C17orf113: variants seen among roughly 807,000 people sequenced by gnomAD.
C17orf113 encodes the protein uncharacterized protein C17orf113.
C17orf113 carries 5 observed loss-of-function variants against 11.6 expected under a neutral mutation model. The observed-to-expected ratio is 0.43, with a 90% CI of 0.23 to 0.91. The LOEUF is 0.91. Among genes scored for constraint, C17orf113 ranks in the 40% least tolerant of loss-of-function variants. The pLI is 0.26. For synonymous variants in C17orf113, 327 were observed against 390.6 expected (o/e 0.84, Z 1.92); for missense variants, 714 against 841.3 (o/e 0.85, Z 1.87).
rs1414157543 is a variant in C17orf113, at chr17:42,040,237, C to T, written c.1496G>A (p.Arg499Gln). ...GGGGTAGGAGTCCTGTAGGCCCTTC[C>T]GCATGGAGTCCAGGAAGGATCCCCG... ...WLRGSFLDSM[R>Q]KGLQDSYPGP... The change falls in exon 3 of 3, where the codon CGG (arginine) becomes CAG (glutamine). Residue 499 changes from arginine (R) to glutamine (Q), a missense_variant. Physicochemically the swap from Arg to Gln is conservative, Grantham distance 43 (BLOSUM62 1). Around this residue, in one of 3 missense-constraint regions of C17orf113, gnomAD observed 516 missense variants for 626.6 expected, o/e 0.82. Transcript: ENST00000587304. 2 of 1,231,482 alleles carry T rather than the reference C, an allele frequency of 1.6e-6. No homozygotes were observed. The highest frequency in any genetic ancestry group is 1.6e-5 in the African/African-American group (1 of 64,424). 76.3% of individuals were successfully genotyped at this position (1,231,482 alleles called of 1,614,324 possible). A position where few individuals can be genotyped will look rare whatever the true frequency, so the allele number is the denominator to read the frequency against.
intron 1 of C17orf113, among the ~76,000 whole-genome samples, chr17:42,044,793 T>C (rs1264358826): frequency 6.6e-6 from 1 of 152,102 alleles, no homozygotes; most frequent in Non-Finnish European, 1.5e-5. Flanking sequence ...GGCCTCAGAC[T>C]GAAGGCAGCT....
intron 1 of C17orf113, among the ~76,000 whole-genome samples, chr17:42,049,281 C>T (rs1477046453): frequency 6.6e-6 from 1 of 152,146 alleles, no homozygotes; most frequent in African/African-American, 2.4e-5. Context: ...GTCATTGCTC[C>T]CTGTTTGTTC....
intron 1 of C17orf113, among the ~76,000 whole-genome samples, chr17:42,047,265 C>A (rs1335788977): frequency 6.6e-6 from 1 of 152,184 alleles, no homozygotes; most frequent in Admixed American, 6.6e-5. Context: ...ATCTCCTGAC[C>A]TCGTGATCCG....
rs925773929 is a variant in C17orf113, at chr17:42,039,374, C to T, written c.*331G>A. 3 of 265,332 alleles carry T rather than the reference C, an allele frequency of 1.1e-5. No individual in the cohort carries two copies. The highest frequency in any genetic ancestry group is 1.4e-5 in the Non-Finnish European group (2 of 142,098). 16.4% of individuals were successfully genotyped at this position (265,332 alleles called of 1,614,324 possible). ...CCTTCCCCAAGCCAAAAACTCCCAT[C>T]TTTGGGGGGACCCAAACTTGCCCCG... is the stretch of plus-strand genomic sequence containing the variant. On this transcript the variant is annotated 3_prime_UTR_variant, in exon 3 of 3. Transcript: ENST00000587304.
chr17:42,041,107 G>A lies in C17orf113; in HGVS notation c.626C>T (p.Thr209Ile). Residue 209 changes from threonine (T) to isoleucine (I), a missense_variant, in exon 3 of 3, where the codon ACC (threonine) becomes ATC (isoleucine). Thr to Ile is a moderately conservative substitution (Grantham distance 89). Around this residue, in one of 3 missense-constraint regions of C17orf113, gnomAD observed 516 missense variants for 626.6 expected, o/e 0.82. Coordinates refer to ENST00000587304, the MANE Select transcript of C17orf113 (RefSeq NM_001358661.2). ...GCTGTGTGACTCCGGCCAGTCTCTG[G>A]TCTCGTCCAACACCAGCCCCACATA... ...SPYVGLVLDE[T>I]RDWPESHSLA... 8.1e-7 allele frequency: 1 copy of A among 1,232,304 alleles called. No individual in the cohort carries two copies. The allele number at this position is 1,232,304 out of a possible 1,614,324, so 76.3% of individuals were successfully genotyped here.
chr17:42,040,047 C>A lies in C17orf113; in HGVS notation c.1686G>T (p.Ala562=). 1 of 1,231,150 alleles carries A rather than the reference C, an allele frequency of 8.1e-7. No individual in the cohort carries two copies. Among genetic ancestry groups the A allele is most frequent in the South Asian group, 4.1e-5 (1 of 24,318 alleles). 76.3% of individuals were successfully genotyped at this position (1,231,150 alleles called of 1,614,324 possible). A position where few individuals can be genotyped will look rare whatever the true frequency, so the allele number is the denominator to read the frequency against. ...GGCCGAATACTACGCGCTTAAACAG[C>A]GCGAAGTCGCCCAGCGCCCGCTGGC... is the stretch of plus-strand genomic sequence containing the variant. ...VVRQRALGDF[A]LFKRVVFGLG... Residue 562 remains alanine (A), a synonymous_variant, in exon 3 of 3, where the codon GCG becomes GCT. Coordinates refer to ENST00000587304, the MANE Select transcript of C17orf113 (RefSeq NM_001358661.2).
In C17orf113 at chr17:42,039,983, C is replaced by A; in HGVS notation, c.1750G>T (p.Ala584Ser). 8.1e-7 allele frequency: 1 copy of A among 1,231,050 alleles called. No homozygotes were observed. The highest frequency in any genetic ancestry group is 1.0e-6 in the Non-Finnish European group (1 of 987,482). 76.3% of individuals were successfully genotyped at this position (1,231,050 alleles called of 1,614,324 possible). ...TCGTGCAGCTCCGAGTGCGCGCACG[C>A]CAGCTGGGTGCACAGGGCCCGCGGG... ...LGPRALCTQL[A>S]CAHSELHELF... The change falls in exon 3 of 3, where the codon GCG (alanine) becomes TCG (serine). Residue 584 changes from alanine to serine, a missense_variant. Physicochemically the swap from Ala to Ser is moderately conservative, Grantham distance 99 (BLOSUM62 1). Coordinates refer to ENST00000587304, the MANE Select transcript of C17orf113 (RefSeq NM_001358661.2).
chr17:42,039,384 A>C lies in C17orf113; in HGVS notation c.*321T>G, dbSNP rs1436633949. 1 of 274,980 alleles carries C rather than the reference A, an allele frequency of 3.6e-6. No homozygotes were observed. Among genetic ancestry groups the C allele is most frequent in the Non-Finnish European group, 6.8e-6 (1 of 148,114 alleles). 17.0% of individuals were successfully genotyped at this position (274,980 alleles called of 1,614,324 possible). On this transcript the variant is annotated 3_prime_UTR_variant, in exon 3 of 3. Transcript: ENST00000587304. ...GCCAAAAACTCCCATCTTTGGGGGG[A>C]CCCAAACTTGCCCCGAGTCCAGAAG...
rs1314859032 is a variant in C17orf113, at chr17:42,041,106, G to A, written c.627C>T (p.Thr209=). 8.1e-7 allele frequency: 1 copy of A among 1,232,328 alleles called. No homozygotes were observed. The highest frequency in any genetic ancestry group is 1.0e-6 in the Non-Finnish European group (1 of 988,054). The allele number at this position is 1,232,328 out of a possible 1,614,324, so 76.3% of individuals were successfully genotyped here. A position where few individuals can be genotyped will look rare whatever the true frequency, so the allele number is the denominator to read the frequency against. ...GGCTGTGTGACTCCGGCCAGTCTCTGGTCTCGTCCAACACCAGCCCCACAT... is the reference window on the plus strand; with the variant it reads ...GGCTGTGTGACTCCGGCCAGTCTCTAGTCTCGTCCAACACCAGCCCCACAT... The part of the protein sequence containing the change: ...SPYVGLVLDE[T]RDWPESHSLA... The change falls in exon 3 of 3, where the codon ACC becomes ACT. Residue 209 remains threonine, a synonymous_variant. Coordinates refer to ENST00000587304, the MANE Select transcript of C17orf113 (RefSeq NM_001358661.2).
chr17:42,043,031 C>T lies in C17orf113; in HGVS notation c.346G>A (p.Ala116Thr). Residue 116 changes from alanine to threonine, a missense_variant, in exon 2 of 3, where the codon GCC becomes ACC. This residue lies in a region of C17orf113 where 516 missense variants were observed against 626.6 expected (regional missense o/e 0.82). Transcript: ENST00000587304. ...AACTCCACCTTGACGCCCCTGGAGG[C>T]AGGGGTCGTAGCCAGGCCTGGGCAG... ...GACPGLATTP[A>T]SRGVKVELDP... is the part of the protein sequence containing the mutation. 1 of 1,232,348 alleles carries T rather than the reference C, an allele frequency of 8.1e-7. No individual in the cohort carries two copies. Among genetic ancestry groups the T allele is most frequent in the Non-Finnish European group, 1.0e-6 (1 of 988,084 alleles). 76.3% of individuals were successfully genotyped at this position (1,232,348 alleles called of 1,614,324 possible). A position where few individuals can be genotyped will look rare whatever the true frequency, so the allele number is the denominator to read the frequency against.
chr17:42,040,973 C>G lies in C17orf113; in HGVS notation c.760G>C (p.Asp254His), dbSNP rs1441254216. The G allele has an allele frequency of 8.1e-7, 1 of 1,232,164 alleles. No individual in the cohort carries two copies. Among genetic ancestry groups the G allele is most frequent in the African/African-American group, 1.6e-5 (1 of 64,430 alleles). 76.3% of individuals were successfully genotyped at this position (1,232,164 alleles called of 1,614,324 possible). A position where few individuals can be genotyped will look rare whatever the true frequency, so the allele number is the denominator to read the frequency against. The change falls in exon 3 of 3, where the codon GAC (aspartate) becomes CAC (histidine). Residue 254 changes from aspartate to histidine, a missense_variant. Transcript: ENST00000587304. The stretch of plus-strand genomic sequence containing the variant: ...GATACGCCGAAAGCCTGCAGGATGT[C>G]CAAGAGCTGGCCAGCAGTGGCCTCG... ...EGEATAGQLL[D>H]ILQAFGVSAP...
chr17:42,042,654 G>A lies in C17orf113; in HGVS notation c.543+180C>T, dbSNP rs187884552. Among the ~76,000 whole-genome samples the A allele has an allele frequency of 9.2e-5, 14 of 152,348 alleles. No individual in the cohort carries two copies. The East Asian group carries it at 2.7e-3, about 29-fold the overall frequency. ...GGCCTGGTCTGGCCTCTTCACTGTT[G>A]TATCCCTGCAGCTGGCCCAGGACCA... On this transcript the variant is annotated intron_variant, in intron 2 of 2. Coordinates refer to ENST00000587304, the MANE Select transcript of C17orf113 (RefSeq NM_001358661.2).
chr17:42,044,553 T>C (rs1358920291), intron 1 of C17orf113, among the ~76,000 whole-genome samples: 11 of 150,556 alleles, frequency 7.3e-5, no homozygotes, highest in African/African-American at 2.7e-4. Context: ...GAGGCGGAGG[T>C]TGCAGTGAGC....
rs557862689 is a variant in C17orf113 at position 42,041,348 on chromosome 17, C to T, written c.544-159G>A. Among the ~76,000 whole-genome samples, 439 of 152,270 alleles carry T rather than the reference C, an allele frequency of 2.9e-3. 2 individuals carry two copies. The highest frequency in any genetic ancestry group is 0.01 in the African/African-American group (421 of 41,546). The stretch of plus-strand genomic sequence containing the variant: ...TGCCACTTACTGGCTGTGCTACCTT[C>T]GGCCAGTCACTTCACCTCTCCGAGC... On this transcript the variant is annotated intron_variant, in intron 2 of 2. Transcript: ENST00000587304.
At chr17:42,048,376 CA>C (rs34771406) in intron 1 of C17orf113, among the ~76,000 whole-genome samples, 96,053 of 124,894 alleles carry the variant, frequency 0.77, 36,433 homozygotes, top group Admixed American at 0.84. Context: ...CTGTCTTTAC[CA>C]AAAAAAAAAA....
chr17:42,041,147 G>C lies in C17orf113; in HGVS notation c.586C>G (p.Leu196Val). Reference sequence around the variant, plus strand: ...AGCCCCACATATGGGGATGCCTTCAGGCGCTGGCAGGCCTCTGTGTGCAAG... The same window carrying C: ...AGCCCCACATATGGGGATGCCTTCACGCGCTGGCAGGCCTCTGTGTGCAAG... Reference protein sequence around the residue: ...SVLHTEACQRLKASPYVGLVL... With the variant: ...SVLHTEACQRVKASPYVGLVL... Residue 196 changes from leucine (L) to valine (V), a missense_variant, in exon 3 of 3, where the codon CTG (leucine) becomes GTG (valine). Around this residue, in one of 3 missense-constraint regions of C17orf113, gnomAD observed 516 missense variants for 626.6 expected, o/e 0.82. Transcript: ENST00000587304. The C allele has an allele frequency of 8.1e-7, 1 of 1,232,360 alleles. No homozygotes were observed. Among genetic ancestry groups the C allele is most frequent in the Non-Finnish European group, 1.0e-6 (1 of 988,084 alleles). 76.3% of individuals were successfully genotyped at this position (1,232,360 alleles called of 1,614,324 possible).
In C17orf113 at chr17:42,043,441, A is replaced by C; in HGVS notation, c.-65T>G. On this transcript the variant is annotated 5_prime_UTR_variant, in exon 2 of 3. Coordinates refer to ENST00000587304, the MANE Select transcript of C17orf113 (RefSeq NM_001358661.2). ...ATGCTCTTGCCCCCCTGCCTCCCCC[A>C]CACACAGGCACCTCCCTTGACAAGG... 2.1e-5 allele frequency: 25 copies of C among 1,201,188 alleles called. No homozygotes were observed. The highest frequency in any genetic ancestry group is 4.3e-5 in the South Asian group (1 of 23,382). The allele number at this position is 1,201,188 out of a possible 1,614,324, so 74.4% of individuals were successfully genotyped here.
Position 42,040,971 on chromosome 17 carries a change from G to A in C17orf113, c.762C>T (p.Asp254=). Residue 254 remains aspartate (D), a synonymous_variant, in exon 3 of 3, where the codon GAC becomes GAT. Transcript: ENST00000587304. ...EGEATAGQLL[D]ILQAFGVSAP... is the part of the protein sequence containing the mutation. ...CAGATACGCCGAAAGCCTGCAGGAT[G>A]TCCAAGAGCTGGCCAGCAGTGGCCT... 2 of 1,232,276 alleles carry A rather than the reference G, an allele frequency of 1.6e-6. No individual in the cohort carries two copies. Among genetic ancestry groups the A allele is most frequent in the Non-Finnish European group, 2.0e-6 (2 of 988,032 alleles). 76.3% of individuals were successfully genotyped at this position (1,232,276 alleles called of 1,614,324 possible). A position where few individuals can be genotyped will look rare whatever the true frequency, so the allele number is the denominator to read the frequency against.
In C17orf113 at chr17:42,039,787, AGCGGG is replaced by A. The variant is rs2052962159; in HGVS notation, c.1941_1945del (p.Pro648AlafsTer4). 1 of 1,232,090 alleles carries A rather than the reference AGCGGG, an allele frequency of 8.1e-7. No individual in the cohort carries two copies. Among genetic ancestry groups the A allele is most frequent in the Non-Finnish European group, 1.0e-6 (1 of 988,036 alleles). 76.3% of individuals were successfully genotyped at this position (1,232,090 alleles called of 1,614,324 possible). A position where few individuals can be genotyped will look rare whatever the true frequency, so the allele number is the denominator to read the frequency against. On this transcript the variant is annotated frameshift_variant, in exon 3 of 3. Transcript: ENST00000587304. LOFTEE classifies it high-confidence loss of function. ...AGCCAACCCGAAGTCAAACTCGTGCAGCGGGGGCCCATCCACTGCGATCTTCACCA... is the reference window on the plus strand; with the variant it reads ...AGCCAACCCGAAGTCAAACTCGTGCAGGCCCATCCACTGCGATCTTCACCA...
Sources: allele counts gnomAD v4.1 joint callset (sites outside exome capture counted in the v4.1 genomes callset), GRCh38; gene constraint gnomAD v4.1.1; regional missense constraint gnomAD v4.1.1; transcripts MANE v1.5; gene names NCBI Gene and HGNC (gene_info 2026-07-23, HGNC 2026-07-21).